Variants in PDGFD observed in about 807,000 individuals in gnomAD.
The protein encoded by PDGFD is platelet-derived growth factor D.
In PDGFD, 30 loss-of-function variants were observed where a neutral mutation model predicts 44.7. The observed-to-expected ratio is 0.67, with a 90% CI of 0.50 to 0.91. The LOEUF (loss-of-function observed/expected upper bound fraction) is 0.91. PDGFD is among the 40% of genes least tolerant of loss of function. The pLI is 0.00. For missense variants in PDGFD, 445 were observed against 457.8 expected, an observed-to-expected ratio of 0.97 and a Z score of 0.25; for synonymous variants, 173 against 168.4, an observed-to-expected ratio of 1.03 and a Z score of -0.21.
At chr11:104,019,817 T>G (rs1052104560) in intron 1 of PDGFD, among the ~76,000 whole-genome samples, 2 of 150,102 alleles carry the variant, frequency 1.3e-5, no homozygotes, top group South Asian at 2.1e-4. Flanking sequence ...ATAAATGAAC[T>G]TTTAAAAATA....
chr11:103,933,884 T>G (rs1470530468), intron 5 of PDGFD, among the ~76,000 whole-genome samples: 1 of 152,178 alleles, frequency 6.6e-6, no homozygotes, highest in Non-Finnish European at 1.5e-5. Context: ...AGGCACTGAA[T>G]TAGCCATGAA....
chr11:104,059,629 C>G (rs1262294619), intron 1 of PDGFD, among the ~76,000 whole-genome samples: 1 of 152,110 alleles, frequency 6.6e-6, no homozygotes, highest in African/African-American at 2.4e-5. Context: ...TTCTCAGGTG[C>G]CTTTTTCTTC....
At chr11:103,930,390 G>A (rs559999637) in intron 5 of PDGFD, among the ~76,000 whole-genome samples, 2 of 152,212 alleles carry the variant, frequency 1.3e-5, no homozygotes, top group South Asian at 4.2e-4. Context: ...TATTAGGTGT[G>A]GGAGGAAGGA....
intron 3 of PDGFD, among the ~76,000 whole-genome samples, chr11:103,970,846 T>A (rs1176435317): frequency 6.6e-6 from 1 of 152,164 alleles, no homozygotes; most frequent in Non-Finnish European, 1.5e-5. Flanking sequence ...AGGCTCTGTA[T>A]CTACAAAGTT....
chr11:104,123,627 C>G (rs1050802632), intron 1 of PDGFD, among the ~76,000 whole-genome samples: 2 of 152,026 alleles, frequency 1.3e-5, no homozygotes, highest in Non-Finnish European at 2.9e-5. Flanking sequence ...AAGTGGCATT[C>G]TTTTGCCTTT....
chr11:104,085,981 G>A (rs1280783246), intron 1 of PDGFD, among the ~76,000 whole-genome samples: 2 of 152,130 alleles, frequency 1.3e-5, no homozygotes, highest in Admixed American at 6.6e-5. Flanking sequence ...TAAAGAGGTT[G>A]GATTTTAAGG....
chr11:104,103,796 T>C (rs1029084213), intron 1 of PDGFD, among the ~76,000 whole-genome samples: 4 of 152,116 alleles, frequency 2.6e-5, no homozygotes, highest in Non-Finnish European at 5.9e-5. Flanking sequence ...ATGGGGTGCA[T>C]TACATAGTAC....
chr11:103,989,760 T>C (rs528990645), intron 3 of PDGFD, among the ~76,000 whole-genome samples: 30 of 152,076 alleles, frequency 2.0e-4, no homozygotes, highest in Non-Finnish European at 3.5e-4. Context: ...TGAAGTCCCA[T>C]TATAATATTG....
intron 3 of PDGFD, among the ~76,000 whole-genome samples, chr11:103,957,883 G>A (rs1292477157): frequency 1.3e-5 from 2 of 152,102 alleles, no homozygotes; most frequent in Non-Finnish European, 2.9e-5. Context: ...AGCTTCCATG[G>A]TGTTTGGTCA....
At chr11:104,160,722 C>T (rs10895595) in intron 1 of PDGFD, among the ~76,000 whole-genome samples, 30,580 of 152,008 alleles carry the variant, frequency 0.2, 3,071 homozygotes, top group Middle Eastern at 0.29. Flanking sequence ...GCAACAAATT[C>T]AACTACCCTC....
At chr11:104,063,882 A>G (rs1241756024) in intron 1 of PDGFD, among the ~76,000 whole-genome samples, 1 of 152,172 alleles carries the variant, frequency 6.6e-6, no homozygotes, top group Non-Finnish European at 1.5e-5. Flanking sequence ...GGGTGGGGAC[A>G]CAGAGCCAAA....
intron 3 of PDGFD, among the ~76,000 whole-genome samples, chr11:103,948,234 C>G (rs1858691727): frequency 6.6e-6 from 1 of 152,122 alleles, no homozygotes; most frequent in South Asian, 2.1e-4. Flanking sequence ...TATTGGTGAT[C>G]TTTTCAACGA....
intron 5 of PDGFD, among the ~76,000 whole-genome samples, chr11:103,939,346 GCTCT>G (rs1406736409): frequency 6.6e-6 from 1 of 152,012 alleles, no homozygotes; most frequent in African/African-American, 2.4e-5. Flanking sequence ...TCGTGATTTG[GCTCT>G]CTGTTTGTCT....
At chr11:103,940,116 C>G (rs184857434) in intron 5 of PDGFD, among the ~76,000 whole-genome samples, 2 of 152,204 alleles carry the variant, frequency 1.3e-5, no homozygotes, top group Admixed American at 1.3e-4. Flanking sequence ...CCATTTTCAA[C>G]TCTTCTTGAA....
intron 1 of PDGFD, among the ~76,000 whole-genome samples, chr11:104,120,212 T>C (rs1389946729): frequency 6.6e-6 from 1 of 151,574 alleles, no homozygotes; most frequent in East Asian, 1.9e-4. Flanking sequence ...GCCACTATCA[T>C]CATCCCAATC....
intron 3 of PDGFD, among the ~76,000 whole-genome samples, chr11:103,986,734 C>T (rs953828586): frequency 1.3e-5 from 2 of 152,152 alleles, no homozygotes; most frequent in African/African-American, 2.4e-5. Flanking sequence ...AAACCCCCTT[C>T]CTGACTGGGG....
chr11:104,040,502 C>A (rs1860329948), intron 1 of PDGFD, among the ~76,000 whole-genome samples: 1 of 151,976 alleles, frequency 6.6e-6, no homozygotes. Context: ...AGGTCCTAAT[C>A]AATTAAATTT....
At chr11:104,076,085 G>T (rs551998280) in intron 1 of PDGFD, among the ~76,000 whole-genome samples, 18 of 152,268 alleles carry the variant, frequency 1.2e-4, no homozygotes, top group African/African-American at 4.1e-4. Context: ...ATTCTCAAGA[G>T]ATCTGACAGA....
intron 1 of PDGFD, among the ~76,000 whole-genome samples, chr11:104,150,920 T>C (rs1862234631): frequency 6.6e-6 from 1 of 152,200 alleles, no homozygotes; most frequent in African/African-American, 2.4e-5. Context: ...AATTAGGACA[T>C]GATACCATTG....
Sources: gnomAD v4.1 joint callset for allele counts (sites outside exome capture counted in the v4.1 genomes callset) on GRCh38, gnomAD v4.1.1 for gene constraint, MANE v1.5 for transcripts, NCBI Gene and HGNC (gene_info 2026-07-23, HGNC 2026-07-21) for gene names.